LRIG1: variants seen among roughly 807,000 people sequenced by gnomAD.
LRIG1 encodes leucine rich repeats and immunoglobulin like domains 1.
In LRIG1, 48 loss-of-function variants were observed where a neutral mutation model predicts 99.2. That is an observed-to-expected ratio of 0.48 (90% confidence interval 0.38 to 0.62). LRIG1 has a LOEUF of 0.62. LRIG1 is among the 20% of genes least tolerant of loss of function. LRIG1 has a pLI of 0.00. For synonymous variants in LRIG1, 772 were observed against 596.1 expected (o/e 1.29, Z -4.30); for missense variants, 1,646 against 1,434.4 (o/e 1.15, Z -2.38).
chr3:66,406,040 T>C (rs1702256805), intron 8 of LRIG1: 2 of 987,350 alleles, frequency 2.0e-6, no homozygotes, highest in South Asian at 9.3e-5. Context: ...GGTTCTTGGT[T>C]CTTAAATTTT....
chr3:66,436,349 G>C (rs1399427106), intron 3 of LRIG1, among the ~76,000 whole-genome samples: 1 of 152,182 alleles, frequency 6.6e-6, no homozygotes, highest in African/African-American at 2.4e-5. Context: ...CTCAGGAAGG[G>C]GCATTTCCTC....
At chr3:66,444,481 C>A (rs1209335961) in intron 3 of LRIG1, among the ~76,000 whole-genome samples, 2 of 151,284 alleles carry the variant, frequency 1.3e-5, no homozygotes, top group African/African-American at 4.8e-5. Flanking sequence ...AATTTACTGT[C>A]CCCCAAGGCC....
At chr3:66,467,357 ATTTT>A (rs11360909) in intron 1 of LRIG1, among the ~76,000 whole-genome samples, 3 of 99,938 alleles carry the variant, frequency 3.0e-5, no homozygotes. Context: ...CACACTAGCT[ATTTT>A]TTTTTTTTTT....
At position 66,472,236 on chromosome 3, in the gene LRIG1, G is replaced by A. The variant is rs550500503; in HGVS notation, c.219-9727C>T. 1.2e-4 allele frequency among the ~76,000 whole-genome samples: 18 copies of A among 145,496 alleles called. No homozygotes were observed. The East Asian group carries it at 1.4e-3, about 11-fold the overall frequency. ...GGAGAATGGCGAGAACCCGGGAGGC[G>A]GAGCGTGCAGTGAGCCGAGATCACA... is the stretch of plus-strand genomic sequence containing the variant. On this transcript the variant is annotated intron_variant, in intron 1 of 18. Coordinates refer to ENST00000273261, the MANE Select transcript of LRIG1 (RefSeq NM_015541.3).
intron 11 of LRIG1, among the ~76,000 whole-genome samples, chr3:66,395,829 G>A (rs916968320): frequency 2.0e-5 from 3 of 152,238 alleles, no homozygotes; most frequent in African/African-American, 7.2e-5. Context: ...CAGCCTGGAT[G>A]GAGAACTCTC....
rs1452722122 is a variant in LRIG1 at position 66,462,352 on chromosome 3, G to A, written c.290+86C>T. On this transcript the variant is annotated intron_variant, in intron 2 of 18. Coordinates refer to ENST00000273261, the MANE Select transcript of LRIG1 (RefSeq NM_015541.3). The stretch of plus-strand genomic sequence containing the variant: ...CTACAAGTTTACACTGCGGATCTAG[G>A]GGAGTGAGCGATGCTGCAATACAAG... The A allele has an allele frequency of 1.1e-5, 10 of 916,680 alleles. No individual in the cohort carries two copies. The Admixed American group carries it at 1.4e-4, about 12-fold the overall frequency. 56.8% of individuals were successfully genotyped at this position (916,680 alleles called of 1,614,324 possible).
intron 1 of LRIG1, among the ~76,000 whole-genome samples, chr3:66,497,800 A>G (rs1701263048): frequency 6.6e-6 from 1 of 151,600 alleles, no homozygotes; most frequent in African/African-American, 2.4e-5. Context: ...AGCTGCAGTA[A>G]ATCCAGTTCA....
intron 1 of LRIG1, among the ~76,000 whole-genome samples, chr3:66,473,673 A>G (rs1018226649): frequency 6.6e-6 from 1 of 152,272 alleles, no homozygotes; most frequent in Non-Finnish European, 1.5e-5. Context: ...CAGCCAAATT[A>G]GAAAAGCGAA....
Position 66,480,369 on chromosome 3 carries a change from G to GAAC in LRIG1, c.219-17861_219-17860insGTT, listed in dbSNP as rs1261118467. Reference sequence around the variant, plus strand: ...ATTTTGGGGTGATGAAAATGTTCTAGATTAGTAGTTACGCAAATCTACGAA... The same window carrying GAAC: ...ATTTTGGGGTGATGAAAATGTTCTAGAACATTAGTAGTTACGCAAATCTACGAA... On this transcript the variant is annotated intron_variant, in intron 1 of 18. Coordinates refer to ENST00000273261, the MANE Select transcript of LRIG1 (RefSeq NM_015541.3). Among the ~76,000 whole-genome samples the GAAC allele has an allele frequency of 6.6e-5, 10 of 151,962 alleles. No homozygotes were observed. In the East Asian group the frequency reaches 1.9e-3, roughly 29 times the overall value.
At position 66,500,233 on chromosome 3, in the gene LRIG1, G is replaced by T. The variant is rs541731135; in HGVS notation, c.175C>A (p.Leu59Met). ...GGCAGGTCCCCGGGCAACGCAGCCAGCCCGCGCCCACCGCAGTCCAGCGAG... is the reference window on the plus strand; with the variant it reads ...GGCAGGTCCCCGGGCAACGCAGCCATCCCGCGCCCACCGCAGTCCAGCGAG... ...GDSLDCGGRG[L>M]AALPGDLPSW... The change falls in exon 1 of 19, where the codon CTG (leucine) becomes ATG (methionine). Residue 59 changes from leucine (L) to methionine (M), a missense_variant. Physicochemically the swap from Leu to Met is conservative, Grantham distance 15 (BLOSUM62 2). Coordinates refer to ENST00000273261, the MANE Select transcript of LRIG1 (RefSeq NM_015541.3). 12 of 1,511,400 alleles carry T rather than the reference G, an allele frequency of 7.9e-6. No individual in the cohort carries two copies. The Admixed American group carries it at 1.6e-4, about 21-fold the overall frequency. The allele number at this position is 1,511,400 out of a possible 1,614,324, so 93.6% of individuals were successfully genotyped here. A position where few individuals can be genotyped will look rare whatever the true frequency, so the allele number is the denominator to read the frequency against.
At chr3:66,415,888 T>A (rs1339416996) in intron 4 of LRIG1, among the ~76,000 whole-genome samples, 1 of 152,234 alleles carries the variant, frequency 6.6e-6, no homozygotes, top group African/African-American at 2.4e-5. Context: ...ATGCTGCTTT[T>A]TCTGGCCTAA....
At chr3:66,422,826 A>T (rs1292207792) in intron 3 of LRIG1, among the ~76,000 whole-genome samples, 1 of 152,256 alleles carries the variant, frequency 6.6e-6, no homozygotes, top group Non-Finnish European at 1.5e-5. Context: ...AAAGAGATTT[A>T]ATTGGACACA....
rs772938431 is a variant in LRIG1 at position 66,379,878 on chromosome 3, G to C, written c.*385C>G. On this transcript the variant is annotated 3_prime_UTR_variant, in exon 19 of 19. Transcript: ENST00000273261. The stretch of plus-strand genomic sequence containing the variant: ...GTGGTTGTAGCCTCTATAAATTCCA[G>C]CCATGCGTTAAGGCACCAGAACTAT... The C allele has an allele frequency of 3.5e-5, 6 of 172,832 alleles. No individual in the cohort carries two copies. Among genetic ancestry groups the C allele is most frequent in the Non-Finnish European group, 7.4e-5 (6 of 80,616 alleles). The allele number at this position is 172,832 out of a possible 1,614,324, so 10.7% of individuals were successfully genotyped here.
chr3:66,384,541 C>T (rs894499550), intron 13 of LRIG1, among the ~76,000 whole-genome samples: 1 of 152,044 alleles, frequency 6.6e-6, no homozygotes, highest in Non-Finnish European at 1.5e-5. Flanking sequence ...CTCTACATGG[C>T]AGTGCCTATA....
chr3:66,465,138 G>A (rs1700443902), intron 1 of LRIG1, among the ~76,000 whole-genome samples: 1 of 152,152 alleles, frequency 6.6e-6, no homozygotes, highest in South Asian at 2.1e-4. Context: ...CAGCCACCAA[G>A]GCTCACGTCC....
intron 12 of LRIG1, among the ~76,000 whole-genome samples, chr3:66,389,367 T>A (rs192127102): frequency 0.01 from 1,551 of 152,224 alleles, 32 homozygotes; most frequent in African/African-American, 0.036. Context: ...TCTACCTTAT[T>A]AGTAAATGCA....
intron 7 of LRIG1, among the ~76,000 whole-genome samples, chr3:66,407,928 G>C (rs959916237): frequency 2.6e-5 from 4 of 152,204 alleles, no homozygotes; most frequent in Non-Finnish European, 5.9e-5. Context: ...CACACTCCCT[G>C]CATCTGCCAG....
chr3:66,470,569 C>G (rs775031528), intron 1 of LRIG1, among the ~76,000 whole-genome samples: 18 of 152,138 alleles, frequency 1.2e-4, no homozygotes, highest in Non-Finnish European at 2.4e-4. Context: ...GCTGCCAGAC[C>G]CACAACCCAC....
At chr3:66,426,516 G>T (rs1575681656) in intron 3 of LRIG1, among the ~76,000 whole-genome samples, 1 of 152,154 alleles carries the variant, frequency 6.6e-6, no homozygotes, top group South Asian at 2.1e-4. Context: ...TGCAAAATAA[G>T]GAAATACCTC....
Sources: allele counts gnomAD v4.1 joint callset (sites outside exome capture counted in the v4.1 genomes callset), GRCh38; gene constraint gnomAD v4.1.1; transcripts MANE v1.5; gene names NCBI Gene and HGNC (gene_info 2026-07-23, HGNC 2026-07-21).